The following IL1R1 variants were observed in gnomAD, a reference collection of about 807,000 sequenced individuals.
IL1R1 encodes the protein interleukin-1 receptor type 1.
IL1R1 carries 22 observed loss-of-function variants against 50.2 expected under a neutral mutation model. The observed-to-expected ratio is 0.44, with a 90% confidence interval of 0.31 to 0.63. The LOEUF is 0.63. IL1R1 is among the 20% of genes least tolerant of loss of function. The probability of loss-of-function intolerance (pLI) is 0.07; values close to 1 mark genes in which losing one functional copy is unlikely to be tolerated. For missense variants in IL1R1, 509 were observed against 676.2 expected (o/e 0.75, Z 2.74); for synonymous variants, 251 against 236.7 (o/e 1.06, Z -0.55).
chr2:102,172,451 GA>G, intron 8 of IL1R1: 1 of 983,936 alleles, frequency 1.0e-6, no homozygotes, highest in Non-Finnish European at 1.2e-6. Context: ...TTTCTTCTTG[GA>G]AGTGGTAATT....
intron 1 of IL1R1, among the ~76,000 whole-genome samples, chr2:102,090,941 T>C (rs1018135918): frequency 4.6e-5 from 7 of 152,254 alleles, no homozygotes; most frequent in African/African-American, 1.7e-4. Flanking sequence ...GTTTCTTCTT[T>C]TCTGTTCAGT....
chr2:102,172,271 T>C, intron 8 of IL1R1: 1 of 985,318 alleles, frequency 1.0e-6, no homozygotes, highest in Non-Finnish European at 1.2e-6. Context: ...TCCACTGCTC[T>C]CGAAAGCCTC....
Position 102,176,816 on chromosome 2 carries a change from C to T in IL1R1, c.*57C>T. On this transcript the variant is annotated 3_prime_UTR_variant, in exon 12 of 12. Coordinates refer to ENST00000410023, the MANE Select transcript of IL1R1 (RefSeq NM_000877.4). Reference sequence around the variant, plus strand: ...CCTCCTGTCTTATGGCGTTGCAGGCCAGGTTATGCCTCATGCTGACTTGCA... The same window carrying T: ...CCTCCTGTCTTATGGCGTTGCAGGCTAGGTTATGCCTCATGCTGACTTGCA... 6.7e-7 allele frequency: 1 copy of T among 1,494,134 alleles called. No homozygotes were observed. The highest frequency in any genetic ancestry group is 1.2e-5 in the South Asian group (1 of 83,398). The allele number at this position is 1,494,134 out of a possible 1,614,324, so 92.6% of individuals were successfully genotyped here. A position where few individuals can be genotyped will look rare whatever the true frequency, so the allele number is the denominator to read the frequency against.
chr2:102,074,951 T>C (rs1678897483), intron 1 of IL1R1, among the ~76,000 whole-genome samples: 1 of 152,148 alleles, frequency 6.6e-6, no homozygotes, highest in Non-Finnish European at 1.5e-5. Flanking sequence ...ACTCATTAAT[T>C]ATCTAACTCA....
At chr2:102,159,471 A>G (rs1312471487) in intron 3 of IL1R1, among the ~76,000 whole-genome samples, 1 of 152,170 alleles carries the variant, frequency 6.6e-6, no homozygotes, top group Non-Finnish European at 1.5e-5. Context: ...GGTGCCTTCT[A>G]TGCAATTTCC....
At chr2:102,165,838 T>C (rs1685136508) in intron 5 of IL1R1, among the ~76,000 whole-genome samples, 2 of 152,160 alleles carry the variant, frequency 1.3e-5, no homozygotes, top group South Asian at 4.1e-4. Context: ...AACTATATAG[T>C]GTTAACATTT....
chr2:102,129,294 C>T lies in IL1R1; in HGVS notation c.-84+24422C>T, dbSNP rs201934006. Among the ~76,000 whole-genome samples, 150 of 147,238 alleles carry T rather than the reference C, an allele frequency of 1.0e-3. 1 individual carries two copies. The highest frequency in any genetic ancestry group is 3.5e-3 in the African/African-American group (143 of 40,438). ...ACAACAACAACAACAACAACAACAA[C>T]AAAACCAAAACAAGAACTCCTTCCC... On this transcript the variant is annotated intron_variant, in intron 1 of 10. Coordinates refer to the IL1R1 transcript ENST00000409329.
upstream of IL1R1, among the ~76,000 whole-genome samples, chr2:102,140,418 G>C (rs1472451509): frequency 1.3e-5 from 2 of 152,240 alleles, no homozygotes; most frequent in Non-Finnish European, 2.9e-5. Context: ...AGGGGACAGG[G>C]TCTCAGTTAA....
intron 3 of IL1R1, among the ~76,000 whole-genome samples, chr2:102,162,938 A>G (rs1684859005): frequency 6.6e-6 from 1 of 152,108 alleles, no homozygotes; most frequent in African/African-American, 2.4e-5. Context: ...ATGCAGGTCT[A>G]CTGGTGATGA....
rs201706774 is a variant in IL1R1 at position 102,179,213 on chromosome 2, G to T, written c.*2454G>T. ...TCCAGAAAATGTGTCAGCATGCATA[G>T]TGCTAAGAAAGCAAGCCAATTTGGA... On this transcript the variant is annotated 3_prime_UTR_variant, in exon 12 of 12. Coordinates refer to ENST00000410023, the MANE Select transcript of IL1R1 (RefSeq NM_000877.4). The T allele has an allele frequency of 6.6e-6, 1 of 152,306 alleles. No homozygotes were observed. Among genetic ancestry groups the T allele is most frequent in the Non-Finnish European group, 1.5e-5 (1 of 68,044 alleles). The allele number at this position is 152,306 out of a possible 1,614,324, so 9.4% of individuals were successfully genotyped here.
upstream of IL1R1, among the ~76,000 whole-genome samples, chr2:102,103,146 A>C (rs1344843413): frequency 6.6e-6 from 1 of 152,030 alleles, no homozygotes; most frequent in Non-Finnish European, 1.5e-5. Context: ...TGAAACTAAA[A>C]TAAAATTAAA....
chr2:102,091,562 A>C, intron 1 of IL1R1, among the ~76,000 whole-genome samples: 1 of 152,226 alleles, frequency 6.6e-6, no homozygotes, highest in East Asian at 1.9e-4. Flanking sequence ...TAGAATGTGT[A>C]ATGATCAAGT....
At chr2:102,070,900 C>T (rs1268269196) in intron 1 of IL1R1, among the ~76,000 whole-genome samples, 1 of 151,896 alleles carries the variant, frequency 6.6e-6, no homozygotes, top group Admixed American at 6.6e-5. Flanking sequence ...GTTGGGGTGG[C>T]TTGGGGAAGG....
chr2:102,143,266 T>C (rs1333169592), intron 1 of IL1R1, among the ~76,000 whole-genome samples: 2 of 152,166 alleles, frequency 1.3e-5, no homozygotes, highest in African/African-American at 4.8e-5. Flanking sequence ...GGAGGGGGGT[T>C]CTAGGTAGGT....
upstream of IL1R1, among the ~76,000 whole-genome samples, chr2:102,103,359 A>C (rs900516013): frequency 6.6e-6 from 1 of 151,984 alleles, no homozygotes. Context: ...AGCAAAGAGG[A>C]GGTGGGCTGT....
intron 1 of IL1R1, among the ~76,000 whole-genome samples, chr2:102,084,351 A>G (rs1373795851): frequency 6.6e-6 from 1 of 152,194 alleles, no homozygotes; most frequent in Admixed American, 6.5e-5. Flanking sequence ...GTTTGACACA[A>G]TCAATAACTA....
chr2:102,147,293 A>G (rs1366359916), intron 1 of IL1R1, among the ~76,000 whole-genome samples: 5 of 152,154 alleles, frequency 3.3e-5, no homozygotes, highest in African/African-American at 9.7e-5. Context: ...ATAGAAGTGA[A>G]AACAATGTAA....
At position 102,168,629 on chromosome 2, in the gene IL1R1, G is replaced by C. The variant is rs777164994; in HGVS notation, c.687G>C (p.Val229=). The change falls in exon 7 of 12, where the codon GTG becomes GTC. Residue 229 remains valine, a synonymous_variant. Coordinates refer to ENST00000410023, the MANE Select transcript of IL1R1 (RefSeq NM_000877.4). ...EENKPTRPVI[V]SPANETMEVD... ...ACAAACCCACAAGGCCTGTGATTGT[G>C]AGCCCAGCTAATGAGACAATGGAAG... is the stretch of plus-strand genomic sequence containing the variant. 1 of 1,613,692 alleles carries C rather than the reference G, an allele frequency of 6.2e-7. No individual in the cohort carries two copies. Among genetic ancestry groups the C allele is most frequent in the Non-Finnish European group, 8.5e-7 (1 of 1,179,894 alleles).
chr2:102,155,164 C>A (rs1684058807), intron 2 of IL1R1, among the ~76,000 whole-genome samples: 1 of 152,236 alleles, frequency 6.6e-6, no homozygotes, highest in Non-Finnish European at 1.5e-5. Flanking sequence ...TTTATCAAAA[C>A]TGTTATTTGT....
Sources: gnomAD v4.1 joint callset for allele counts (sites outside exome capture counted in the v4.1 genomes callset) on GRCh38, gnomAD v4.1.1 for gene constraint, MANE v1.5 for transcripts, NCBI Gene and HGNC (gene_info 2026-07-23, HGNC 2026-07-21) for gene names.